Variants in BICRAL observed in about 807,000 individuals in gnomAD.
The protein encoded by BICRAL is BICRA like chromatin remodeling complex associated protein, also known as BRD4-interacting chromatin-remodeling complex-associated protein-like.
BICRAL carries 8 observed loss-of-function variants against 91.8 expected under a neutral mutation model. That is an observed-to-expected ratio of 0.09 (90% CI 0.05 to 0.16). The LOEUF (loss-of-function observed/expected upper bound fraction) is 0.16, where lower values mean the gene tolerates loss of function less well. Among genes scored for constraint, BICRAL ranks in the 10% least tolerant of loss-of-function variants. BICRAL has a pLI of 1.00. For missense variants in BICRAL, 1,038 were observed against 1,310.9 expected (o/e 0.79, Z 3.21); for synonymous variants, 445 against 491.1 (o/e 0.91, Z 1.24).
At chr6:42,860,106 G>A (rs533505263) in intron 10 of BICRAL, among the ~76,000 whole-genome samples, 156 bp from the exon 11 acceptor site, 2 of 152,304 alleles carry the variant, frequency 1.3e-5, no homozygotes, top group East Asian at 3.9e-4. Context: ...GAAGGATGAT[G>A]CTTAGCCGGG....
chr6:42,796,460 G>C (rs1165307383), intron 1 of BICRAL, among the ~76,000 whole-genome samples: 2 of 152,172 alleles, frequency 1.3e-5, no homozygotes, highest in Admixed American at 1.3e-4. Flanking sequence ...GAGCAGTTGT[G>C]TAGAACATTA....
At chr6:42,864,352 A>G (rs1248160065) in intron 12 of BICRAL, among the ~76,000 whole-genome samples, 1 of 152,108 alleles carries the variant, frequency 6.6e-6, no homozygotes, top group African/African-American at 2.4e-5. Context: ...AAAAAATAAA[A>G]TGATACTTAG....
At chr6:42,812,670 A>G (rs1266178012) in intron 2 of BICRAL, among the ~76,000 whole-genome samples, 1 of 152,180 alleles carries the variant, frequency 6.6e-6, no homozygotes, top group Non-Finnish European at 1.5e-5. Flanking sequence ...GAGACTGCAG[A>G]AGAAAAGATT....
At chr6:42,775,019 G>A (rs1262902074) in intron 1 of BICRAL, among the ~76,000 whole-genome samples, 1 of 150,872 alleles carries the variant, frequency 6.6e-6, no homozygotes, top group African/African-American at 2.4e-5. Context: ...TGCAACCTCC[G>A]CCTCCCAGGT....
At position 42,827,200 on chromosome 6, in the gene BICRAL, A is replaced by C. The variant is rs368794120; in HGVS notation, c.160-1293A>C. ...TATGGTGCTCAGTAAATATTAACTT[A>C]CTATCATCAGGACCTATATTTTCTT... On this transcript the variant is annotated intron_variant, in intron 5 of 12. Transcript: ENST00000314073. Among the ~76,000 whole-genome samples, 3 of 152,330 alleles carry C rather than the reference A, an allele frequency of 2.0e-5. No homozygotes were observed. The East Asian group carries it at 5.8e-4, about 29-fold the overall frequency.
chr6:42,795,827 A>G lies in BICRAL; in HGVS notation c.-102+13726A>G, dbSNP rs58379750. On this transcript the variant is annotated intron_variant, in intron 1 of 12. Coordinates refer to ENST00000314073, the MANE Select transcript of BICRAL (RefSeq NM_001393499.1). ...TTGAAAATTATTACCATAACTATCT[A>G]CTCTGAAATAAAAAGGCACTGCAGT... Among the ~76,000 whole-genome samples, 830 of 152,300 alleles carry G rather than the reference A, an allele frequency of 5.4e-3. 7 individuals carry two copies. Among genetic ancestry groups the G allele is most frequent in the African/African-American group, 0.019 (802 of 41,556 alleles).
intron 1 of BICRAL, among the ~76,000 whole-genome samples, chr6:42,770,436 C>A (rs1221913329): frequency 7.5e-6 from 1 of 133,490 alleles, no homozygotes; most frequent in East Asian, 2.1e-4. Flanking sequence ...TTTTTTGAGA[C>A]GGAGCCTTGC....
At chr6:42,831,530 A>G (rs774351732) in intron 6 of BICRAL, among the ~76,000 whole-genome samples, 16 of 152,292 alleles carry the variant, frequency 1.1e-4, no homozygotes, top group Non-Finnish European at 2.1e-4. Context: ...TTAGTCCTTC[A>G]CTGTCATCTG....
rs145150955 is a variant in BICRAL, at chr6:42,756,402, C to G, written c.-261+9379C>G. The stretch of plus-strand genomic sequence containing the variant: ...CTTAAATATAAGTGAGGCCAGAATT[C>G]TATTTCTTTTCTTGTTCCTCTCACC... On this transcript the variant is annotated intron_variant, in intron 1 of 14. Transcript: ENST00000614467. Among the ~76,000 whole-genome samples the G allele has an allele frequency of 4.2e-3, 640 of 152,216 alleles. 4 individuals are homozygous for G. Among genetic ancestry groups the G allele is most frequent in the African/African-American group, 0.015 (618 of 41,546 alleles).
At chr6:42,782,342 T>TG (rs1562457936) in intron 1 of BICRAL, among the ~76,000 whole-genome samples, 23 of 104,682 alleles carry the variant, frequency 2.2e-4, no homozygotes, top group African/African-American at 8.3e-4. Context: ...TTTTTTTTTT[T>TG]TGGGGGGGGG....
intron 1 of BICRAL, among the ~76,000 whole-genome samples, chr6:42,764,729 G>C (rs1762607550): frequency 1.3e-5 from 2 of 152,108 alleles, no homozygotes; most frequent in Admixed American, 1.3e-4. Context: ...TGCGATCTCA[G>C]CTCACTTGCA....
chr6:42,830,535 G>GA (rs1764442422), intron 6 of BICRAL, among the ~76,000 whole-genome samples: 2 of 151,818 alleles, frequency 1.3e-5, no homozygotes, highest in Non-Finnish European at 2.9e-5. Flanking sequence ...CACTGCACTG[G>GA]GTGATAGAGT....
At chr6:42,769,522 T>C (rs531770432) in intron 1 of BICRAL, among the ~76,000 whole-genome samples, 63 of 152,298 alleles carry the variant, frequency 4.1e-4, no homozygotes, top group African/African-American at 1.2e-3. Context: ...AGTTACCATA[T>C]CTGGTCAAGA....
chr6:42,752,727 C>T (rs762445879), intron 1 of BICRAL, among the ~76,000 whole-genome samples: 26 of 152,048 alleles, frequency 1.7e-4, no homozygotes, highest in Admixed American at 6.6e-5. Context: ...CCCCAGCCTC[C>T]TTAGTAGCTG....
At chr6:42,845,446 A>C (rs186152884) in intron 6 of BICRAL, among the ~76,000 whole-genome samples, 7 of 151,274 alleles carry the variant, frequency 4.6e-5, no homozygotes, top group Non-Finnish European at 8.8e-5. Context: ...ATGGCTCATC[A>C]AGGGACTTTG....
chr6:42,782,016 G>GC (rs778319864), upstream of BICRAL: 147,050 of 147,078 alleles, frequency 1, 73,511 homozygotes, highest in Middle Eastern at 1. Flanking sequence ...TCCGGCCCCC[G>GC]GCCCCGCGCC....
intron 1 of BICRAL, among the ~76,000 whole-genome samples, chr6:42,767,003 G>A (rs1250243084): frequency 6.7e-6 from 1 of 150,280 alleles, no homozygotes; most frequent in African/African-American, 2.5e-5. Flanking sequence ...TGGCGCCACT[G>A]TACTCCAGCC....
chr6:42,802,458 G>A (rs1362107347), intron 1 of BICRAL, among the ~76,000 whole-genome samples: 1 of 150,342 alleles, frequency 6.7e-6, no homozygotes, highest in East Asian at 1.9e-4. Context: ...TGTTGTTGTT[G>A]TTGTTTTGAG....
At position 42,782,118 on chromosome 6, in the gene BICRAL, G is replaced by T; in HGVS notation, c.-102+17G>T. 6.7e-6 allele frequency: 1 copy of T among 149,886 alleles called. No homozygotes were observed. The allele number at this position is 149,886 out of a possible 1,614,324, so 9.3% of individuals were successfully genotyped here. The stretch of plus-strand genomic sequence containing the variant: ...TTCATGACGGTGAGTTTCCCTTTGA[G>T]TGTATTATAATTTTGTGATAAAAAT... On this transcript the variant is annotated intron_variant, in intron 1 of 12. Coordinates refer to ENST00000314073, the MANE Select transcript of BICRAL (RefSeq NM_001393499.1).
Sources: allele counts gnomAD v4.1 joint callset (sites outside exome capture counted in the v4.1 genomes callset), GRCh38; gene constraint gnomAD v4.1.1; transcripts MANE v1.5; gene names NCBI Gene and HGNC (gene_info 2026-07-23, HGNC 2026-07-21).